Variants in SLC45A4 observed in about 807,000 individuals in gnomAD.
The protein encoded by SLC45A4 is polyamine-transporter SLC45A4.
SLC45A4 carries 32 observed loss-of-function variants against 63.7 expected under a neutral mutation model. The ratio of observed to expected loss-of-function variants is 0.50; its 90% CI spans 0.38 to 0.67. SLC45A4 has a LOEUF of 0.67. Ranked by LOEUF, SLC45A4 falls within the 30% of genes least tolerant of loss-of-function variation. The pLI is 0.00. For missense variants in SLC45A4, 1,027 were observed against 1,157.7 expected, an observed-to-expected ratio of 0.89 and a Z score of 1.64; for synonymous variants, 535 against 510.0, an observed-to-expected ratio of 1.05 and a Z score of -0.66.
At chr8:141,230,518 A>C (rs181989085) in intron 2 of SLC45A4, among the ~76,000 whole-genome samples, 7 of 152,364 alleles carry the variant, frequency 4.6e-5, no homozygotes, top group Admixed American at 4.6e-4. Context: ...GAAGGTCTGA[A>C]GCCCCAAGCG....
chr8:141,211,926 T>C, intron 8 of SLC45A4: 1 of 1,257,372 alleles, frequency 8.0e-7, no homozygotes, highest in East Asian at 3.1e-5. Flanking sequence ...GAAATTAAAA[T>C]ATCTTTTTCA....
intron 1 of SLC45A4, among the ~76,000 whole-genome samples, chr8:141,298,302 ACCTGCTCAGACGTTTTC>A (rs1267807719): frequency 1.3e-5 from 2 of 152,256 alleles, no homozygotes; most frequent in Non-Finnish European, 2.9e-5. Context: ...TTCAAGGACT[ACCTGCTCAGACGTTTTC>A]CGCACCCAGC....
chr8:141,286,733 C>A (rs1215224277), intron 1 of SLC45A4, among the ~76,000 whole-genome samples: 3 of 135,206 alleles, frequency 2.2e-5, no homozygotes, highest in Admixed American at 1.5e-4. Flanking sequence ...AGCAGCAGCC[C>A]CCCCGCCCCC....
intron 1 of SLC45A4, among the ~76,000 whole-genome samples, chr8:141,262,587 T>C (rs1338070160): frequency 1.3e-5 from 2 of 151,062 alleles, no homozygotes; most frequent in African/African-American, 2.4e-5. Flanking sequence ...AAGAAGACAT[T>C]TATGCAGCCA....
chr8:141,245,584 C>T (rs1828150227), intron 2 of SLC45A4, among the ~76,000 whole-genome samples: 1 of 152,078 alleles, frequency 6.6e-6, no homozygotes, highest in African/African-American at 2.4e-5. Flanking sequence ...AAAATCTGGT[C>T]TCAGCATCAT....
chr8:141,292,269 A>G (rs1032571803), intron 1 of SLC45A4, among the ~76,000 whole-genome samples: 4 of 152,204 alleles, frequency 2.6e-5, no homozygotes, highest in African/African-American at 9.6e-5. Flanking sequence ...GGGCCCGCCA[A>G]TCCAGCTGTG....
At chr8:141,274,470 G>A (rs1050877207) in intron 1 of SLC45A4, among the ~76,000 whole-genome samples, 1 of 147,642 alleles carries the variant, frequency 6.8e-6, no homozygotes, top group African/African-American at 2.5e-5. Flanking sequence ...GGAGGCGGAG[G>A]TTGCAGTGAG....
At chr8:141,289,398 T>C (rs1830269449) in intron 1 of SLC45A4, among the ~76,000 whole-genome samples, 1 of 152,242 alleles carries the variant, frequency 6.6e-6, no homozygotes, top group African/African-American at 2.4e-5. Context: ...GACAGTCATC[T>C]GGAGTGAAGT....
At chr8:141,289,768 T>C (rs889812781) in intron 1 of SLC45A4, among the ~76,000 whole-genome samples, 3 of 152,016 alleles carry the variant, frequency 2.0e-5, no homozygotes, top group African/African-American at 7.2e-5. Context: ...AGAAAGCCCA[T>C]GGCCCGGGGT....
intron 2 of SLC45A4, among the ~76,000 whole-genome samples, chr8:141,231,224 G>A (rs1239521768): frequency 6.6e-6 from 1 of 152,214 alleles, no homozygotes; most frequent in Non-Finnish European, 1.5e-5. Context: ...CCGGAGACAG[G>A]GCAGGGACAG....
intron 1 of SLC45A4, among the ~76,000 whole-genome samples, chr8:141,291,530 G>C (rs1426737334): frequency 6.6e-6 from 1 of 152,234 alleles, no homozygotes; most frequent in Non-Finnish European, 1.5e-5. Flanking sequence ...AAAGCTATAA[G>C]TAACAGCGCA....
chr8:141,305,128 C>CG (rs993359687), intron 1 of SLC45A4, among the ~76,000 whole-genome samples: 3 of 152,210 alleles, frequency 2.0e-5, no homozygotes, highest in Non-Finnish European at 4.4e-5. Context: ...ATTTGATACT[C>CG]GGGGGAAAAG....
At chr8:141,261,903 C>T (rs909363167) in intron 1 of SLC45A4, among the ~76,000 whole-genome samples, 1 of 152,182 alleles carries the variant, frequency 6.6e-6, no homozygotes, top group Non-Finnish European at 1.5e-5. Flanking sequence ...CAATAAAGAG[C>T]CTGCATCGCA....
At chr8:141,212,868 C>G (rs1160489330) in intron 7 of SLC45A4, among the ~76,000 whole-genome samples, 3 of 152,204 alleles carry the variant, frequency 2.0e-5, no homozygotes. Flanking sequence ...CAGGCTCCAC[C>G]AGGCGGGCTC....
chr8:141,248,507 C>T (rs559614006), intron 2 of SLC45A4, among the ~76,000 whole-genome samples: 2 of 152,180 alleles, frequency 1.3e-5, no homozygotes, highest in South Asian at 4.2e-4. Context: ...AAGGTTGAGG[C>T]TGCAGAGAGC....
At position 141,231,801 on chromosome 8, in the gene SLC45A4, C is replaced by T. The variant is rs545308214; in HGVS notation, c.242-10036G>A. The stretch of plus-strand genomic sequence containing the variant: ...AGCCATGGATCCCACTAGGAAGTTA[C>T]TGCCACATGAGACTGCTCTGTGTGC... On this transcript the variant is annotated intron_variant, in intron 2 of 8. Coordinates refer to ENST00000517878, the MANE Select transcript of SLC45A4 (RefSeq NM_001286646.2). 1.0e-3 allele frequency among the ~76,000 whole-genome samples: 155 copies of T among 152,368 alleles called. 1 individual carries two copies. Among genetic ancestry groups the T allele is most frequent in the Middle Eastern group, 3.4e-3 (1 of 294 alleles).
rs1827230763 is a variant in SLC45A4, at chr8:141,229,543, G to A, written c.242-7778C>T. Among the ~76,000 whole-genome samples, 2 of 152,126 alleles carry A rather than the reference G, an allele frequency of 1.3e-5. No individual in the cohort carries two copies. The highest frequency in any genetic ancestry group is 2.9e-5 in the Non-Finnish European group (2 of 68,018). On this transcript the variant is annotated intron_variant, in intron 2 of 8. Transcript: ENST00000517878. This position sits in a 1 kb window ranked among gnomAD's most constrained non-coding sequence, Gnocchi z 5.0. The stretch of plus-strand genomic sequence containing the variant: ...AGGCACTCCCTTGTCAAGGCCACAA[G>A]CTTCAAGGCAGTGGGACCATCCAGG...
intron 1 of SLC45A4, among the ~76,000 whole-genome samples, chr8:141,293,129 C>G (rs1041147626): frequency 6.6e-6 from 1 of 152,240 alleles, no homozygotes; most frequent in East Asian, 1.9e-4. Flanking sequence ...ACTGTGACTA[C>G]AGCCACCTGC....
chr8:141,244,919 A>G (rs1828094053), intron 2 of SLC45A4, among the ~76,000 whole-genome samples: 1 of 124,480 alleles, frequency 8.0e-6, no homozygotes, highest in Admixed American at 1.0e-4. Flanking sequence ...GAGTTTGGAA[A>G]TGAGGACATC....
Sources: allele counts gnomAD v4.1 joint callset (sites outside exome capture counted in the v4.1 genomes callset), GRCh38; gene constraint gnomAD v4.1.1; non-coding constraint Gnocchi (gnomAD v3.1); transcripts MANE v1.5; gene names NCBI Gene and HGNC (gene_info 2026-07-23, HGNC 2026-07-21).